The following PARPBP variants were observed in gnomAD, a reference collection of about 807,000 sequenced individuals.
PARPBP encodes PCNA-interacting partner.
In PARPBP, 52 loss-of-function variants were observed where a neutral mutation model predicts 50.0. The observed-to-expected ratio is 1.04, with a 90% CI of 0.83 to 1.31. The LOEUF (loss-of-function observed/expected upper bound fraction) is 1.31, where lower values mean the gene tolerates loss of function less well. PARPBP is among the 50% of genes most tolerant of loss of function. The pLI, the probability that PARPBP is intolerant of heterozygous loss-of-function variation, is 0.00. For missense variants in PARPBP, 697 were observed against 672.0 expected, an observed-to-expected ratio of 1.04 and a Z score of -0.41; for synonymous variants, 244 against 232.1, an observed-to-expected ratio of 1.05 and a Z score of -0.47.
At chr12:102,137,512 A>G (rs907119228) in intron 2 of PARPBP, among the ~76,000 whole-genome samples, 41 of 130,230 alleles carry the variant, frequency 3.1e-4, no homozygotes, top group Non-Finnish European at 1.1e-4. Context: ...ATATACTGCT[A>G]AAGATTTTTT....
intron 2 of PARPBP, among the ~76,000 whole-genome samples, chr12:102,136,940 T>C (rs1202353233): frequency 5.9e-5 from 9 of 151,984 alleles, no homozygotes; most frequent in Admixed American, 5.9e-4. Context: ...TTTTGTTTTG[T>C]TTTGTGTTTT....
chr12:102,184,375 A>C (rs1273916371), intron 9 of PARPBP, among the ~76,000 whole-genome samples: 2 of 152,176 alleles, frequency 1.3e-5, no homozygotes, highest in Non-Finnish European at 2.9e-5. Flanking sequence ...TCAAAATGAA[A>C]AAATCTATCT....
chr12:102,140,384 A>G (rs1396961755), intron 2 of PARPBP, among the ~76,000 whole-genome samples: 1 of 151,544 alleles, frequency 6.6e-6, no homozygotes, highest in Non-Finnish European at 1.5e-5. Flanking sequence ...TTTCTTCTTT[A>G]TTAGTCTTAC....
At chr12:102,159,103 T>C (rs970828314) in intron 4 of PARPBP, among the ~76,000 whole-genome samples, 14 of 152,210 alleles carry the variant, frequency 9.2e-5, no homozygotes, top group Admixed American at 3.3e-4. Context: ...AATTTTTCTT[T>C]TTACAAGGTC....
At chr12:102,135,073 C>A (rs1209145222) in intron 2 of PARPBP, among the ~76,000 whole-genome samples, 2 of 151,966 alleles carry the variant, frequency 1.3e-5, no homozygotes, top group Non-Finnish European at 2.9e-5. Flanking sequence ...TTACCTCCAC[C>A]CTTTTAGGGT....
In PARPBP at chr12:102,157,831, G is replaced by T. The variant is rs551061202; in HGVS notation, c.495+3855G>T. On this transcript the variant is annotated intron_variant, in intron 4 of 10. Coordinates refer to ENST00000327680, the MANE Select transcript of PARPBP (RefSeq NM_017915.5). ...ATTTCTGTAGTATCTATAGAATAGT[G>T]AGCTTCTGGCCAGGCACGGTGGCTC... Among the ~76,000 whole-genome samples the T allele has an allele frequency of 2.7e-5, 4 of 150,402 alleles. 1 individual carries two copies. In the South Asian group the frequency reaches 8.4e-4, roughly 31 times the overall value.
At chr12:102,140,685 C>T (rs1269164099) in intron 2 of PARPBP, among the ~76,000 whole-genome samples, 1 of 152,160 alleles carries the variant, frequency 6.6e-6, no homozygotes, top group Non-Finnish European at 1.5e-5. Context: ...TGTGTTGTGT[C>T]TTTGTTCTTA....
At chr12:102,163,773 T>C (rs996120738) in intron 4 of PARPBP, among the ~76,000 whole-genome samples, 6 of 152,230 alleles carry the variant, frequency 3.9e-5, no homozygotes, top group African/African-American at 1.4e-4. Flanking sequence ...ATTTCCAGAA[T>C]TTATTTTGTC....
intron 4 of PARPBP, among the ~76,000 whole-genome samples, chr12:102,158,037 G>A (rs770096145): frequency 6.7e-6 from 1 of 149,686 alleles, no homozygotes; most frequent in Non-Finnish European, 1.5e-5. Flanking sequence ...GGAGAATGGC[G>A]TGAACCTGGG....
chr12:102,195,190 G>T (rs922673686), intron 9 of PARPBP, 122 bp from the exon 10 acceptor site: 259 of 527,404 alleles, frequency 4.9e-4, no homozygotes, highest in Non-Finnish European at 6.8e-4. Flanking sequence ...GGTTCTCAAT[G>T]AGTAATAGAA....
chr12:102,153,814 G>A, intron 3 of PARPBP, 55 bp from the exon 4 acceptor site: 2 of 922,440 alleles, frequency 2.2e-6, no homozygotes, highest in Non-Finnish European at 3.6e-6. Context: ...TTTATGTGAA[G>A]TATTTTTTAT....
chr12:102,166,483 A>G (rs920962668), intron 6 of PARPBP, among the ~76,000 whole-genome samples: 1 of 152,174 alleles, frequency 6.6e-6, no homozygotes, highest in Non-Finnish European at 1.5e-5. Context: ...GTATCCTATA[A>G]CATAAATAAA....
At chr12:102,154,720 AAT>A (rs2139087441) in intron 4 of PARPBP, 1 of 386,062 alleles carries the variant, frequency 2.6e-6, no homozygotes, top group African/African-American at 2.1e-5. Context: ...TTTACCCCAA[AAT>A]ATGTTTCTTT....
chr12:102,153,367 A>G (rs943985115), intron 3 of PARPBP, among the ~76,000 whole-genome samples: 15 of 152,152 alleles, frequency 9.9e-5, no homozygotes, highest in African/African-American at 3.6e-4. Context: ...CTTTTTTGAG[A>G]CAGGGTATCA....
chr12:102,148,183 C>T (rs568013016), intron 2 of PARPBP, 47 bp from the exon 3 acceptor site: 169 of 761,892 alleles, frequency 2.2e-4, no homozygotes, highest in African/African-American at 1.7e-3. Context: ...ATTGAATATT[C>T]TGGTACCCAA....
intron 4 of PARPBP, among the ~76,000 whole-genome samples, chr12:102,160,154 A>G (rs984313482): frequency 6.6e-6 from 1 of 152,224 alleles, no homozygotes; most frequent in Non-Finnish European, 1.5e-5. Context: ...CAAGGAAACC[A>G]TAACAGCCAT....
At chr12:102,126,106 G>C (rs900622046) in intron 2 of PARPBP, among the ~76,000 whole-genome samples, 1 of 152,212 alleles carries the variant, frequency 6.6e-6, no homozygotes, top group African/African-American at 2.4e-5. Context: ...TTTTCTAGGA[G>C]ACATATTAAG....
At chr12:102,123,388 C>G (rs1277876841) in intron 1 of PARPBP, among the ~76,000 whole-genome samples, 1 of 152,014 alleles carries the variant, frequency 6.6e-6, no homozygotes, top group Admixed American at 6.6e-5. Flanking sequence ...TCATTCTTGC[C>G]ACATTCTATT....
intron 1 of PARPBP, among the ~76,000 whole-genome samples, chr12:102,121,571 T>TTTTTTA (rs57945278): frequency 4.7e-5 from 6 of 127,340 alleles, no homozygotes; most frequent in African/African-American, 9.2e-5. Flanking sequence ...TTTTTTTTTT[T>TTTTTTA]AAGACAGAGT....
Sources: gnomAD v4.1 joint callset for allele counts (sites outside exome capture counted in the v4.1 genomes callset) on GRCh38, gnomAD v4.1.1 for gene constraint, MANE v1.5 for transcripts, NCBI Gene and HGNC (gene_info 2026-07-23, HGNC 2026-07-21) for gene names.